TGFBR3: variants seen among roughly 807,000 people sequenced by gnomAD.
The protein encoded by TGFBR3 is transforming growth factor beta receptor type 3.
TGFBR3 carries 46 observed loss-of-function variants against 87.9 expected under a neutral mutation model. The ratio of observed to expected loss-of-function variants is 0.52; its 90% CI spans 0.41 to 0.67. The LOEUF (loss-of-function observed/expected upper bound fraction) is 0.67. TGFBR3 is among the 30% of genes least tolerant of loss of function. The probability of loss-of-function intolerance (pLI) is 0.00; values close to 1 mark genes in which losing one functional copy is unlikely to be tolerated. For missense variants in TGFBR3, 866 were observed against 1,041.9 expected (o/e 0.83, Z 2.32); for synonymous variants, 381 against 391.6 (o/e 0.97, Z 0.32).
At chr1:91,749,082 T>C (rs1307822839) in intron 4 of TGFBR3, among the ~76,000 whole-genome samples, 5 of 152,158 alleles carry the variant, frequency 3.3e-5, no homozygotes, top group African/African-American at 1.2e-4. Context: ...GGCAGGACCA[T>C]AGCCTTCTTA....
intron 2 of TGFBR3, among the ~76,000 whole-genome samples, chr1:91,802,031 G>A (rs770137916): frequency 6.6e-6 from 1 of 152,240 alleles, no homozygotes; most frequent in Non-Finnish European, 1.5e-5. Flanking sequence ...TAAACTCTAA[G>A]TATGGGGTAG....
At chr1:91,887,462 C>T (rs1368935304), upstream of TGFBR3, among the ~76,000 whole-genome samples, 1 of 151,904 alleles carries the variant, frequency 6.6e-6, no homozygotes, top group African/African-American at 2.4e-5. Context: ...GCGGGGGTCT[C>T]ACTTAGTTGC....
chr1:91,791,022 G>A (rs1419405720), intron 3 of TGFBR3, among the ~76,000 whole-genome samples: 3 of 152,212 alleles, frequency 2.0e-5, no homozygotes, highest in Non-Finnish European at 2.9e-5. Flanking sequence ...AGGTAGGTAG[G>A]TAGATAAAGA....
intron 16 of TGFBR3, among the ~76,000 whole-genome samples, chr1:91,689,440 A>G (rs985201748): frequency 6.6e-6 from 1 of 152,238 alleles, no homozygotes; most frequent in Non-Finnish European, 1.5e-5. Context: ...CTATTTTACC[A>G]GTGCCTAGAA....
chr1:91,786,306 C>G (rs1375251772), intron 3 of TGFBR3: 1 of 454,612 alleles, frequency 2.2e-6, no homozygotes, highest in South Asian at 1.6e-5. Context: ...ACAAGCTAGA[C>G]AGAAAGAATC....
At position 91,846,185 on chromosome 1, in the gene TGFBR3, G is replaced by A. The variant is rs574470893; in HGVS notation, c.61+15286C>T. Reference sequence around the variant, plus strand: ...CCAATTCCAAAACGCAATTGAGCCGGGTAAGGTCCAAGCTAATCTCTGTAC... The same window carrying A: ...CCAATTCCAAAACGCAATTGAGCCGAGTAAGGTCCAAGCTAATCTCTGTAC... On this transcript the variant is annotated intron_variant, in intron 2 of 16. Coordinates refer to ENST00000212355, the MANE Select transcript of TGFBR3 (RefSeq NM_003243.5). Among the ~76,000 whole-genome samples, 17 of 152,246 alleles carry A rather than the reference G, an allele frequency of 1.1e-4. No individual in the cohort carries two copies. In the South Asian group the frequency reaches 3.3e-3, roughly 30 times the overall value.
chr1:91,713,303 G>T (rs1406692715), intron 12 of TGFBR3, among the ~76,000 whole-genome samples: 2 of 152,150 alleles, frequency 1.3e-5, no homozygotes, highest in Non-Finnish European at 2.9e-5. Context: ...TCCAAATTTT[G>T]TTAAGGTTCT....
chr1:91,830,560 G>A (rs1676817945), intron 2 of TGFBR3, among the ~76,000 whole-genome samples: 1 of 152,156 alleles, frequency 6.6e-6, no homozygotes, highest in African/African-American at 2.4e-5. Context: ...CTAGGCTTCT[G>A]TGAACAGTGA....
chr1:91,827,078 C>T (rs1024578370), intron 2 of TGFBR3, among the ~76,000 whole-genome samples: 1 of 152,144 alleles, frequency 6.6e-6, no homozygotes, highest in Non-Finnish European at 1.5e-5. Context: ...CTGAGGAAAA[C>T]TTTCTGTCCC....
chr1:91,729,997 G>A (rs372552452), intron 5 of TGFBR3, 24 bp from the exon 6 acceptor site: 19 of 1,613,898 alleles, frequency 1.2e-5, no homozygotes, highest in Middle Eastern at 1.7e-4. Flanking sequence ...AGGACAATCT[G>A]TCAAACCACT....
intron 10 of TGFBR3, among the ~76,000 whole-genome samples, chr1:91,717,689 T>TAAAAA (rs199786596): frequency 5.1e-5 from 7 of 136,162 alleles, no homozygotes; most frequent in Non-Finnish European, 4.8e-5. Flanking sequence ...GGAAGAAAAT[T>TAAAAA]AAAAAAAAAA....
At chr1:91,695,287 G>A (rs1341618725) in intron 16 of TGFBR3, among the ~76,000 whole-genome samples, 1 of 152,178 alleles carries the variant, frequency 6.6e-6, no homozygotes, top group Non-Finnish European at 1.5e-5. Flanking sequence ...ACCTTGGCAG[G>A]TGTGGTAATA....
chr1:91,740,287 G>C (rs1018708795), intron 4 of TGFBR3, among the ~76,000 whole-genome samples: 5 of 151,596 alleles, frequency 3.3e-5, no homozygotes, highest in African/African-American at 9.7e-5. Flanking sequence ...TCAAACTCCT[G>C]ACCTCAGGTG....
At position 91,778,214 on chromosome 1, in the gene TGFBR3, T is replaced by A. The variant is rs563308180; in HGVS notation, c.246+19073A>T. The stretch of plus-strand genomic sequence containing the variant: ...ACATGAGACACCCTTAGTTTACATT[T>A]CAGCTCTTAGGTGGTTCCTTATTCA... On this transcript the variant is annotated intron_variant, in intron 3 of 16. Coordinates refer to ENST00000212355, the MANE Select transcript of TGFBR3 (RefSeq NM_003243.5). Among the ~76,000 whole-genome samples, 370 of 152,136 alleles carry A rather than the reference T, an allele frequency of 2.4e-3. 2 individuals carry two copies. Among genetic ancestry groups the A allele is most frequent in the Non-Finnish European group, 3.9e-3 (264 of 68,000 alleles).
intron 1 of TGFBR3, among the ~76,000 whole-genome samples, chr1:91,905,665 G>A (rs146704394): frequency 1.0e-3 from 155 of 152,108 alleles, no homozygotes; most frequent in African/African-American, 3.4e-3. Context: ...CAAAGTGCTG[G>A]GATTACAGGC....
intron 4 of TGFBR3, among the ~76,000 whole-genome samples, chr1:91,739,011 T>C (rs1444179630): frequency 1.3e-5 from 2 of 152,054 alleles, no homozygotes; most frequent in Non-Finnish European, 2.9e-5. Context: ...AGGTCTGACA[T>C]GGTGAAGGAA....
chr1:91,798,221 C>T (rs17884526), intron 2 of TGFBR3, among the ~76,000 whole-genome samples: 215 of 152,320 alleles, frequency 1.4e-3, no homozygotes, highest in African/African-American at 5.0e-3. Flanking sequence ...TCAAGCTCTG[C>T]ATGCCACCTT....
intron 4 of TGFBR3, among the ~76,000 whole-genome samples, chr1:91,739,800 A>G (rs1399208734): frequency 6.6e-6 from 1 of 152,242 alleles, no homozygotes; most frequent in Non-Finnish European, 1.5e-5. Context: ...CAGGCTGTAC[A>G]GGAAGCATGG....
intron 2 of TGFBR3, among the ~76,000 whole-genome samples, chr1:91,813,458 T>G (rs544042129): frequency 6.6e-6 from 1 of 152,344 alleles, no homozygotes; most frequent in East Asian, 1.9e-4. Flanking sequence ...CCCCTTTTCT[T>G]TCAGGATGAA....
Sources: gnomAD v4.1 joint callset for allele counts (sites outside exome capture counted in the v4.1 genomes callset) on GRCh38, gnomAD v4.1.1 for gene constraint, MANE v1.5 for transcripts, NCBI Gene and HGNC (gene_info 2026-07-23, HGNC 2026-07-21) for gene names.